FRMD4A: variants seen among roughly 807,000 people sequenced by gnomAD.
FRMD4A encodes the protein FERM domain containing 4A.
In FRMD4A, 29 loss-of-function variants were observed where a neutral mutation model predicts 129.1. That is an observed-to-expected ratio of 0.22 (90% CI 0.17 to 0.31). The LOEUF (loss-of-function observed/expected upper bound fraction) is 0.31, where lower values mean the gene tolerates loss of function less well. Among genes scored for constraint, FRMD4A ranks in the 10% least tolerant of loss-of-function variants. The pLI is 1.00. For missense variants in FRMD4A, 1,272 were observed against 1,375.8 expected (o/e 0.92, Z 1.19); for synonymous variants, 634 against 571.6 (o/e 1.11, Z -1.56).
chr10:14,130,673 T>C (rs1001491058), intron 2 of FRMD4A, among the ~76,000 whole-genome samples: 1 of 152,156 alleles, frequency 6.6e-6, no homozygotes, highest in African/African-American at 2.4e-5. Flanking sequence ...TTATTCAAAT[T>C]TGAAAAACGA....
At chr10:14,288,627 G>A (rs1030169151) in intron 2 of FRMD4A, among the ~76,000 whole-genome samples, 2 of 152,086 alleles carry the variant, frequency 1.3e-5, no homozygotes, top group African/African-American at 4.8e-5. Flanking sequence ...CACTTAACAT[G>A]AGATCTACTC....
At chr10:14,092,631 G>T (rs574226852) in intron 2 of FRMD4A, among the ~76,000 whole-genome samples, 3 of 152,380 alleles carry the variant, frequency 2.0e-5, no homozygotes, top group South Asian at 2.1e-4. Context: ...GCTGGAGTTT[G>T]CAGGGGTGAT....
intron 2 of FRMD4A, among the ~76,000 whole-genome samples, chr10:14,057,479 G>T (rs1834591250): frequency 6.6e-6 from 1 of 152,254 alleles, no homozygotes; most frequent in South Asian, 2.1e-4. Context: ...CAAGGAAAAG[G>T]CAACATGAGT....
In FRMD4A at chr10:13,895,410, T is replaced by A. The variant is rs1215949551; in HGVS notation, c.46-36498A>T. Among the ~76,000 whole-genome samples, 28 of 152,196 alleles carry A rather than the reference T, an allele frequency of 1.8e-4. 1 individual carries two copies. Among genetic ancestry groups the A allele is most frequent in the Admixed American group, 1.6e-3 (24 of 15,280 alleles). ...TCCATCCATGTCCCTGCAAAGGATA[T>A]GATCTCATTCTTTTTTTATGGCTGC... On this transcript the variant is annotated intron_variant, in intron 2 of 24. Coordinates refer to ENST00000357447, the MANE Select transcript of FRMD4A (RefSeq NM_018027.5).
chr10:13,834,545 T>A (rs1463641471), intron 3 of FRMD4A, among the ~76,000 whole-genome samples: 1 of 152,162 alleles, frequency 6.6e-6, no homozygotes, highest in Non-Finnish European at 1.5e-5. Context: ...CTCTGAATAG[T>A]CAAAGGATAC....
chr10:13,753,808 G>T (rs1375243453), intron 8 of FRMD4A, among the ~76,000 whole-genome samples: 1 of 152,132 alleles, frequency 6.6e-6, no homozygotes, highest in Non-Finnish European at 1.5e-5. Flanking sequence ...GCCTCCCAAA[G>T]TGCTGGGATT....
At chr10:13,995,489 G>A (rs1348958753) in intron 2 of FRMD4A, among the ~76,000 whole-genome samples, 1 of 152,206 alleles carries the variant, frequency 6.6e-6, no homozygotes, top group Non-Finnish European at 1.5e-5. Context: ...GGAGGCTGAG[G>A]CACAAGAATC....
At chr10:13,845,915 C>T (rs368547943) in intron 3 of FRMD4A, among the ~76,000 whole-genome samples, 5 of 152,240 alleles carry the variant, frequency 3.3e-5, no homozygotes, top group Admixed American at 2.0e-4. Flanking sequence ...GTGCTCTCAG[C>T]GTGCTGGAAC....
chr10:13,924,395 C>T (rs1210057903), intron 2 of FRMD4A, among the ~76,000 whole-genome samples: 5 of 134,382 alleles, frequency 3.7e-5, no homozygotes, highest in Non-Finnish European at 7.7e-5. Flanking sequence ...TCTCCGCCTA[C>T]TTTTCTTCTC....
intron 12 of FRMD4A, among the ~76,000 whole-genome samples, chr10:13,723,946 C>T (rs1294263301): frequency 6.6e-6 from 1 of 152,192 alleles, no homozygotes; most frequent in Non-Finnish European, 1.5e-5. Flanking sequence ...GAACTGGACA[C>T]TCTAATTTCT....
At chr10:14,079,788 G>A (rs990400611) in intron 2 of FRMD4A, among the ~76,000 whole-genome samples, 6 of 152,188 alleles carry the variant, frequency 3.9e-5, no homozygotes, top group Non-Finnish European at 7.3e-5. Flanking sequence ...CACATTTGCT[G>A]CTGATTATGC....
At chr10:14,168,708 C>A (rs187860692) in intron 2 of FRMD4A, among the ~76,000 whole-genome samples, 2 of 152,146 alleles carry the variant, frequency 1.3e-5, no homozygotes, top group African/African-American at 4.8e-5. Context: ...TTTATTATGA[C>A]GTGCCAAGAC....
chr10:14,111,941 AAGGAAGGG>A (rs1837927014), intron 2 of FRMD4A, among the ~76,000 whole-genome samples: 1 of 131,152 alleles, frequency 7.6e-6, no homozygotes, highest in South Asian at 3.0e-4. Flanking sequence ...GGAAGGAAGG[AAGGAAGGG>A]AGGGAGAGGA....
chr10:14,094,485 A>G (rs1163734019), intron 2 of FRMD4A, among the ~76,000 whole-genome samples: 1 of 152,080 alleles, frequency 6.6e-6, no homozygotes, highest in East Asian at 1.9e-4. Flanking sequence ...GTGAATGCAA[A>G]GGCTGTAGTC....
chr10:14,053,792 G>A (rs1476241268), intron 2 of FRMD4A, among the ~76,000 whole-genome samples: 1 of 152,064 alleles, frequency 6.6e-6, no homozygotes, highest in Admixed American at 6.6e-5. Flanking sequence ...GCCGAGGTGA[G>A]GTAAGAGGAT....
At chr10:13,958,283 T>A (rs1232159621) in intron 2 of FRMD4A, among the ~76,000 whole-genome samples, 5 of 78,920 alleles carry the variant, frequency 6.3e-5, no homozygotes, top group Non-Finnish European at 6.1e-5. Flanking sequence ...TGACCATTGT[T>A]TTTTTTTTTT....
At chr10:13,789,572 A>ACACACACG (rs1554898502) in intron 5 of FRMD4A, among the ~76,000 whole-genome samples, 9 of 148,850 alleles carry the variant, frequency 6.0e-5, no homozygotes, top group African/African-American at 2.3e-4. Context: ...ACACACACAC[A>ACACACACG]CACACACACA....
chr10:14,228,177 G>A (rs1160374842), intron 2 of FRMD4A, among the ~76,000 whole-genome samples: 2 of 152,130 alleles, frequency 1.3e-5, no homozygotes, highest in Admixed American at 6.5e-5. Flanking sequence ...CAGCATAGAA[G>A]TTTTAATCAA....
intron 2 of FRMD4A, among the ~76,000 whole-genome samples, chr10:14,254,973 C>G (rs893483235): frequency 2.8e-4 from 43 of 152,260 alleles, no homozygotes; most frequent in African/African-American, 9.9e-4. Context: ...TGCCTCCAGA[C>G]TGCTCAACTT....
Sources: gnomAD v4.1 joint callset for allele counts (sites outside exome capture counted in the v4.1 genomes callset) on GRCh38, gnomAD v4.1.1 for gene constraint, MANE v1.5 for transcripts, NCBI Gene and HGNC (gene_info 2026-07-23, HGNC 2026-07-21) for gene names.